The following CFAP299 variants were observed in gnomAD, a reference collection of about 807,000 sequenced individuals.
CFAP299 encodes cilia- and flagella-associated protein 299.
In CFAP299, 21 loss-of-function variants were observed where a neutral mutation model predicts 27.0. The observed-to-expected ratio is 0.78, with a 90% CI of 0.55 to 1.12. The LOEUF is 1.12. Ranked by LOEUF, CFAP299 falls within the 50% of genes most tolerant of loss-of-function variation. The pLI is 0.00. For synonymous variants in CFAP299, 104 were observed against 98.1 expected (o/e 1.06, Z -0.36); for missense variants, 310 against 276.6 (o/e 1.12, Z -0.86).
intron 3 of CFAP299, among the ~76,000 whole-genome samples, chr4:80,727,353 A>T (rs903811000): frequency 6.6e-6 from 1 of 152,080 alleles, no homozygotes; most frequent in African/African-American, 2.4e-5. Context: ...ATACCTTCAT[A>T]AAGTTATTTA....
intron 4 of CFAP299, among the ~76,000 whole-genome samples, chr4:80,903,796 G>T (rs1735051553): frequency 6.6e-6 from 1 of 151,976 alleles, no homozygotes; most frequent in Admixed American, 6.6e-5. Flanking sequence ...ATATTGATTA[G>T]CTGTAACATA....
intron 2 of CFAP299, among the ~76,000 whole-genome samples, chr4:80,445,055 A>G (rs1388317812): frequency 1.3e-5 from 2 of 152,196 alleles, no homozygotes; most frequent in African/African-American, 4.8e-5. Context: ...GAGAAATAGG[A>G]ACACTTTTAT....
intron 3 of CFAP299, among the ~76,000 whole-genome samples, chr4:80,848,517 T>C (rs912282449): frequency 1.3e-5 from 2 of 152,072 alleles, no homozygotes; most frequent in African/African-American, 2.4e-5. Context: ...AATAAAAATA[T>C]AGTATATTGG....
Position 80,868,407 on chromosome 4 carries a change from G to A in CFAP299, c.334-1586G>A, listed in dbSNP as rs146919927. 2.3e-3 allele frequency among the ~76,000 whole-genome samples: 350 copies of A among 152,234 alleles called. 2 individuals carry two copies. The highest frequency in any genetic ancestry group is 6.8e-3 in the African/African-American group (282 of 41,538). ...CTCACTGGAAAGAATTTTCCCTGGC[G>A]TACTGTTCCTGGATAATTCTTTTAT... is the stretch of plus-strand genomic sequence containing the variant. On this transcript the variant is annotated intron_variant, in intron 3 of 5. Transcript: ENST00000358105.
intron 2 of CFAP299, among the ~76,000 whole-genome samples, chr4:80,517,537 T>C (rs1458515302): frequency 6.6e-6 from 1 of 152,184 alleles, no homozygotes; most frequent in African/African-American, 2.4e-5. Flanking sequence ...ATTTTTGTTG[T>C]GTAATGTTAA....
intron 3 of CFAP299, among the ~76,000 whole-genome samples, chr4:80,730,890 G>A (rs532487988): frequency 5.3e-5 from 8 of 152,232 alleles, no homozygotes; most frequent in South Asian, 2.1e-4. Flanking sequence ...CACAGACACC[G>A]TTATTTCATT....
At chr4:80,517,735 C>T (rs1349819069) in intron 2 of CFAP299, among the ~76,000 whole-genome samples, 1 of 152,154 alleles carries the variant, frequency 6.6e-6, no homozygotes. Flanking sequence ...ATACACACTA[C>T]TTATTTCTCT....
At chr4:80,360,888 TTACA>T (rs1723511262) in intron 1 of CFAP299, among the ~76,000 whole-genome samples, 1 of 152,204 alleles carries the variant, frequency 6.6e-6, no homozygotes, top group Non-Finnish European at 1.5e-5. Flanking sequence ...TTTGTGGCCC[TTACA>T]TACATTATTT....
At chr4:80,582,685 A>G (rs1164006192) in intron 2 of CFAP299, among the ~76,000 whole-genome samples, 6 of 151,762 alleles carry the variant, frequency 4.0e-5, no homozygotes, top group African/African-American at 1.2e-4. Context: ...TTAATGCTCT[A>G]CTCCAGTAAC....
intron 3 of CFAP299, among the ~76,000 whole-genome samples, chr4:80,770,665 C>T (rs1726160369): frequency 6.6e-6 from 1 of 152,102 alleles, no homozygotes. Flanking sequence ...CTTTGTCTTT[C>T]CTTTAAAAAA....
intron 3 of CFAP299, among the ~76,000 whole-genome samples, chr4:80,785,422 G>A (rs1326403198): frequency 6.6e-6 from 1 of 152,042 alleles, no homozygotes; most frequent in Admixed American, 6.6e-5. Flanking sequence ...TCTTCTTCCA[G>A]AGTATCTGTA....
upstream of CFAP299, among the ~76,000 whole-genome samples, chr4:80,330,997 TATA>T (rs1721920226): frequency 6.6e-6 from 1 of 152,216 alleles, no homozygotes; most frequent in Non-Finnish European, 1.5e-5. Context: ...TCAAATACTT[TATA>T]ATAATCAAGA....
chr4:80,465,019 G>T (rs1326538314), intron 2 of CFAP299, among the ~76,000 whole-genome samples: 1 of 151,894 alleles, frequency 6.6e-6, no homozygotes, highest in Non-Finnish European at 1.5e-5. Flanking sequence ...TTGTTTTAAG[G>T]AATTAATCAA....
At chr4:80,390,767 A>G (rs1725377032) in intron 2 of CFAP299, among the ~76,000 whole-genome samples, 1 of 145,974 alleles carries the variant, frequency 6.9e-6, no homozygotes, top group African/African-American at 2.5e-5. Flanking sequence ...ATATGTATAT[A>G]TGTATATATA....
intron 2 of CFAP299, among the ~76,000 whole-genome samples, chr4:80,419,953 T>C (rs1279967841): frequency 6.6e-6 from 1 of 152,088 alleles, no homozygotes; most frequent in East Asian, 1.9e-4. Flanking sequence ...GGCATACAAA[T>C]TTATTGACAT....
At chr4:80,805,446 A>C (rs1187352697) in intron 3 of CFAP299, among the ~76,000 whole-genome samples, 1 of 152,174 alleles carries the variant, frequency 6.6e-6, no homozygotes, top group Non-Finnish European at 1.5e-5. Flanking sequence ...TAAAATAAAT[A>C]ATTTTAAATT....
intron 3 of CFAP299, among the ~76,000 whole-genome samples, chr4:80,823,236 G>A (rs1380287094): frequency 6.6e-6 from 1 of 151,966 alleles, no homozygotes; most frequent in Non-Finnish European, 1.5e-5. Context: ...ATTGTTCCAG[G>A]GCTTTTCTAT....
At chr4:80,558,089 A>ATAC (rs1339482328) in intron 2 of CFAP299, among the ~76,000 whole-genome samples, 5 of 149,722 alleles carry the variant, frequency 3.3e-5, no homozygotes, top group African/African-American at 1.2e-4. Context: ...CAACTGAATT[A>ATAC]GTATGAGAGA....
chr4:80,398,664 C>T (rs548029722), intron 2 of CFAP299, among the ~76,000 whole-genome samples: 7 of 152,272 alleles, frequency 4.6e-5, no homozygotes, highest in African/African-American at 1.7e-4. Flanking sequence ...TGGATCCCTT[C>T]CTTACACCTT....
Sources: allele counts gnomAD v4.1 joint callset (sites outside exome capture counted in the v4.1 genomes callset), GRCh38; gene constraint gnomAD v4.1.1; transcripts MANE v1.5; gene names NCBI Gene and HGNC (gene_info 2026-07-23, HGNC 2026-07-21).